CDX1: variants seen among roughly 807,000 people sequenced by gnomAD.
CDX1 encodes caudal type homeobox 1.
CDX1 carries 9 observed loss-of-function variants against 16.9 expected under a neutral mutation model. That is an observed-to-expected ratio of 0.53 (90% CI 0.32 to 0.93). The LOEUF (loss-of-function observed/expected upper bound fraction) is 0.93. CDX1 is among the 40% of genes least tolerant of loss of function. The probability of loss-of-function intolerance (pLI) is 0.04; values close to 1 mark genes in which losing one functional copy is unlikely to be tolerated. For synonymous variants in CDX1, 179 were observed against 179.0 expected (o/e 1.00, Z 0.00); for missense variants, 393 against 386.1 (o/e 1.02, Z -0.15).
intron 1 of CDX1, among the ~76,000 whole-genome samples, chr5:150,181,946 C>T (rs1580842018): frequency 2.6e-5 from 4 of 152,130 alleles, no homozygotes; most frequent in Admixed American, 2.0e-4. Flanking sequence ...CTTGGGCAGA[C>T]CAGCCTCCGG....
chr5:150,169,323 G>T (rs1761474452), intron 1 of CDX1, among the ~76,000 whole-genome samples: 1 of 152,078 alleles, frequency 6.6e-6, no homozygotes, highest in Non-Finnish European at 1.5e-5. Flanking sequence ...TTGTCTGCAG[G>T]CAGATGAGTC....
In CDX1 at chr5:150,166,837, GC is replaced by G; in HGVS notation, c.-39del. The G allele has an allele frequency of 7.3e-7, 1 of 1,363,144 alleles. No homozygotes were observed. Among genetic ancestry groups the G allele is most frequent in the Non-Finnish European group, 9.6e-7 (1 of 1,047,028 alleles). 84.4% of individuals were successfully genotyped at this position (1,363,144 alleles called of 1,614,324 possible). A position where few individuals can be genotyped will look rare whatever the true frequency, so the allele number is the denominator to read the frequency against. ...GTCGTCGGGGCGGCCGGCAGCGGCG[GC>G]TCCAGGGCCCAGCATGCGCGGGGGA... On this transcript the variant is annotated 5_prime_UTR_variant, in exon 1 of 3. Transcript: ENST00000231656.
chr5:150,180,900 G>T lies in CDX1; in HGVS notation c.446-1868G>T, dbSNP rs550524928. ...AATCCAGCTCTGGGCCCCAGGCTGAGCCTCATAAAGAAGCCAAGGCACCGC... is the reference window on the plus strand; with the variant it reads ...AATCCAGCTCTGGGCCCCAGGCTGATCCTCATAAAGAAGCCAAGGCACCGC... On this transcript the variant is annotated intron_variant, in intron 1 of 2. Transcript: ENST00000231656. Among the ~76,000 whole-genome samples, 7 of 152,268 alleles carry T rather than the reference G, an allele frequency of 4.6e-5. No homozygotes were observed. In the East Asian group the frequency reaches 1.4e-3, roughly 29 times the overall value.
chr5:150,175,131 A>G (rs1761553570), intron 1 of CDX1, among the ~76,000 whole-genome samples: 1 of 152,096 alleles, frequency 6.6e-6, no homozygotes, highest in Non-Finnish European at 1.5e-5. Flanking sequence ...TCATCATCAT[A>G]GTTTTTATTA....
intron 1 of CDX1, among the ~76,000 whole-genome samples, chr5:150,174,175 AC>A (rs1199502732): frequency 1.3e-5 from 2 of 152,302 alleles, no homozygotes; most frequent in Admixed American, 1.3e-4. Flanking sequence ...CTGCAGCCCC[AC>A]CTCGAACGTG....
intron 2 of CDX1, 112 bp downstream of exon 2, chr5:150,183,025 A>G (rs1195832947): frequency 7.7e-7 from 1 of 1,292,286 alleles, no homozygotes; most frequent in Non-Finnish European, 1.1e-6. Flanking sequence ...TTGAGTCTCC[A>G]GGCCATTGTC....
At chr5:150,181,592 T>C (rs1033868258) in intron 1 of CDX1, among the ~76,000 whole-genome samples, 2 of 152,162 alleles carry the variant, frequency 1.3e-5, no homozygotes, top group African/African-American at 2.4e-5. Flanking sequence ...CATGACTCTT[T>C]CCTGTACCTC....
In CDX1 at chr5:150,182,760, C is replaced by A; in HGVS notation, c.446-8C>A. On this transcript the variant is annotated splice_region_variant and splice_polypyrimidine_tract_variant and intron_variant, in intron 1 of 2. Transcript: ENST00000231656. ...TCACCTTCCTTCCCGGCTCCTTCTG[C>A]TTCTCAGGTAAGACTCGGACCAAGG... is the stretch of plus-strand genomic sequence containing the variant. 1.3e-6 allele frequency: 2 copies of A among 1,554,808 alleles called. No homozygotes were observed. The highest frequency in any genetic ancestry group is 2.0e-5 in the Admixed American group (1 of 50,378).
At chr5:150,180,712 G>A (rs1365423913) in intron 1 of CDX1, among the ~76,000 whole-genome samples, 2 of 152,094 alleles carry the variant, frequency 1.3e-5, no homozygotes, top group South Asian at 2.1e-4. Context: ...GCTTGCGTGC[G>A]CCTCCTATTT....
At chr5:150,179,038 C>T (rs1254998808) in intron 1 of CDX1, among the ~76,000 whole-genome samples, 1 of 152,104 alleles carries the variant, frequency 6.6e-6, no homozygotes, top group African/African-American at 2.4e-5. Context: ...CTTTGGGCAG[C>T]TCTTGGTCGG....
At chr5:150,175,776 C>T (rs1761561988) in intron 1 of CDX1, among the ~76,000 whole-genome samples, 3 of 152,200 alleles carry the variant, frequency 2.0e-5, no homozygotes. Context: ...ATCACATGTC[C>T]AGCTGGTGGG....
At position 150,166,818 on chromosome 5, in the gene CDX1, G is replaced by A; in HGVS notation, c.-59G>A. The A allele has an allele frequency of 8.0e-7, 1 of 1,251,604 alleles. No individual in the cohort carries two copies. The highest frequency in any genetic ancestry group is 1.0e-6 in the Non-Finnish European group (1 of 958,016). The allele number at this position is 1,251,604 out of a possible 1,614,324, so 77.5% of individuals were successfully genotyped here. A position where few individuals can be genotyped will look rare whatever the true frequency, so the allele number is the denominator to read the frequency against. On this transcript the variant is annotated 5_prime_UTR_variant, in exon 1 of 3. Transcript: ENST00000231656. ...TTCAGGTGAGCGGTTGCTCGTCGTCGGGGCGGCCGGCAGCGGCGGCTCCAG... is the reference window on the plus strand; with the variant it reads ...TTCAGGTGAGCGGTTGCTCGTCGTCAGGGCGGCCGGCAGCGGCGGCTCCAG...
intron 1 of CDX1, 118 bp downstream of exon 1, chr5:150,167,439 C>G: frequency 4.9e-6 from 3 of 613,812 alleles, no homozygotes; most frequent in Non-Finnish European, 7.0e-6. Context: ...GTGTGGCCCT[C>G]CTGTCCACTC....
chr5:150,183,556 C>T lies in CDX1; in HGVS notation c.674C>T (p.Pro225Leu), dbSNP rs370020614. Residue 225 changes from proline to leucine, a missense_variant, in exon 3 of 3, where the codon CCG becomes CTG. By Grantham distance (98) the Pro-to-Leu change is moderately conservative (BLOSUM62 -3). Coordinates refer to ENST00000231656, the MANE Select transcript of CDX1 (RefSeq NM_001804.3). ...KKQQQQQPPQ[P>L]PMAHDITATP... The stretch of plus-strand genomic sequence containing the variant: ...CAGCAGCAGCAACAGCCCCCACAGC[C>T]GCCGATGGCCCACGACATCACGGCC... 5.0e-6 allele frequency: 8 copies of T among 1,612,478 alleles called. No individual in the cohort carries two copies. Among genetic ancestry groups the T allele is most frequent in the South Asian group, 2.2e-5 (2 of 90,998 alleles).
chr5:150,183,639 A>T lies in CDX1; in HGVS notation c.757A>T (p.Thr253Ser). The T allele has an allele frequency of 6.2e-7, 1 of 1,605,594 alleles. No individual in the cohort carries two copies. The highest frequency in any genetic ancestry group is 8.5e-7 in the Non-Finnish European group (1 of 1,174,572). The change falls in exon 3 of 3, where the codon ACC becomes TCC. Residue 253 changes from threonine (T) to serine (S), a missense_variant. Transcript: ENST00000231656. ...TCCCAGCAACACCAGCCTCCTGGCC[A>T]CCTCCTCTCCAATGCCTGTGAAAGA... ...LCPSNTSLLATSSPMPVKEEF... is the reference protein window; with the variant it reads ...LCPSNTSLLASSSPMPVKEEF...
At chr5:150,179,711 G>A (rs77496588) in intron 1 of CDX1, among the ~76,000 whole-genome samples, 4,513 of 152,318 alleles carry the variant, frequency 0.03, 85 homozygotes, top group East Asian at 0.083. Flanking sequence ...GTCCTCCTGG[G>A]GGTGGCTGTG....
intron 1 of CDX1, among the ~76,000 whole-genome samples, chr5:150,178,577 G>T (rs1038083410): frequency 6.6e-6 from 1 of 152,190 alleles, no homozygotes; most frequent in African/African-American, 2.4e-5. Context: ...TCTTGGGGCA[G>T]TTGGGAGTTC....
chr5:150,179,075 G>A lies in CDX1; in HGVS notation c.446-3693G>A, dbSNP rs567118457. On this transcript the variant is annotated intron_variant, in intron 1 of 2. Transcript: ENST00000231656. ...TCAGTTACTGGAAGTGGGATTCTTCGGTCAAAGGGTATGTGCCTGTTAAAT... is the reference window on the plus strand; with the variant it reads ...TCAGTTACTGGAAGTGGGATTCTTCAGTCAAAGGGTATGTGCCTGTTAAAT... Among the ~76,000 whole-genome samples the A allele has an allele frequency of 3.9e-5, 6 of 152,146 alleles. No homozygotes were observed. The East Asian group carries it at 7.7e-4, about 20-fold the overall frequency.
chr5:150,175,272 C>A (rs907675793), intron 1 of CDX1, among the ~76,000 whole-genome samples: 21 of 152,214 alleles, frequency 1.4e-4, no homozygotes, highest in Non-Finnish European at 2.6e-4. Context: ...TGGGGACATA[C>A]CACTGGCACA....
Sources: gnomAD v4.1 joint callset for allele counts (sites outside exome capture counted in the v4.1 genomes callset) on GRCh38, gnomAD v4.1.1 for gene constraint, MANE v1.5 for transcripts, NCBI Gene and HGNC (gene_info 2026-07-23, HGNC 2026-07-21) for gene names.